NLGN1: variants seen among roughly 807,000 people sequenced by gnomAD.
NLGN1 encodes the protein neuroligin 1.
A neutral mutation model predicts 65.5 loss-of-function variants in NLGN1; 12 were observed. That is an observed-to-expected ratio of 0.18 (90% CI 0.12 to 0.30). The LOEUF is 0.30. Ranked by LOEUF, NLGN1 falls within the 10% of genes least tolerant of loss-of-function variation. NLGN1 has a pLI of 1.00. For missense variants in NLGN1, 750 were observed against 1,007.1 expected (o/e 0.74, Z 3.46); for synonymous variants, 350 against 359.5 (o/e 0.97, Z 0.30).
At chr3:174,090,736 GA>G (rs1744348378) in intron 4 of NLGN1, among the ~76,000 whole-genome samples, 1 of 136,070 alleles carries the variant, frequency 7.3e-6, no homozygotes, top group South Asian at 2.2e-4. Context: ...AGAAAACAAT[GA>G]TTTTTTTTTT....
intron 4 of NLGN1, among the ~76,000 whole-genome samples, chr3:174,146,872 T>C (rs982695035): frequency 2.6e-5 from 4 of 152,128 alleles, no homozygotes; most frequent in Admixed American, 6.5e-5. Context: ...CGGGCTGACA[T>C]GAATCTTAAT....
intron 2 of NLGN1, among the ~76,000 whole-genome samples, chr3:173,536,843 C>G (rs1353086769): frequency 2.0e-5 from 3 of 151,976 alleles, no homozygotes; most frequent in Non-Finnish European, 4.4e-5. Context: ...GCTGACATGT[C>G]CTAACATCTG....
chr3:174,171,678 C>G (rs2152734319), intron 4 of NLGN1, among the ~76,000 whole-genome samples: 1 of 152,190 alleles, frequency 6.6e-6, no homozygotes, highest in African/African-American at 2.4e-5. Context: ...CACTACAAAT[C>G]ATATGATAGT....
chr3:173,541,557 G>A (rs978445022), intron 2 of NLGN1, among the ~76,000 whole-genome samples: 2 of 152,122 alleles, frequency 1.3e-5, no homozygotes, highest in African/African-American at 4.8e-5. Flanking sequence ...AAAGGTATCA[G>A]TTGATGAAAT....
At chr3:173,627,671 G>T (rs1054435975) in intron 3 of NLGN1, among the ~76,000 whole-genome samples, 4 of 151,978 alleles carry the variant, frequency 2.6e-5, no homozygotes, top group African/African-American at 9.7e-5. Context: ...TAATTTTCCA[G>T]CATATTATCC....
At chr3:173,464,155 A>T (rs1017310084) in intron 2 of NLGN1, among the ~76,000 whole-genome samples, 1 of 152,106 alleles carries the variant, frequency 6.6e-6, no homozygotes, top group Non-Finnish European at 1.5e-5. Flanking sequence ...AAATAATAAT[A>T]AATAGCATTT....
At chr3:173,399,001 C>T (rs1717146799) in intron 1 of NLGN1, among the ~76,000 whole-genome samples, 2 of 152,004 alleles carry the variant, frequency 1.3e-5, no homozygotes, top group South Asian at 4.1e-4. Context: ...GCATTTCTAT[C>T]AGCCATTGTA....
intron 4 of NLGN1, among the ~76,000 whole-genome samples, chr3:174,048,603 A>G (rs66492742): frequency 0.16 from 24,188 of 151,936 alleles, 1,999 homozygotes; most frequent in East Asian, 0.18. Flanking sequence ...TCCTGGGGGA[A>G]ATCTGTAGAT....
At chr3:173,890,891 T>C (rs1165628055) in intron 4 of NLGN1, among the ~76,000 whole-genome samples, 2 of 152,208 alleles carry the variant, frequency 1.3e-5, no homozygotes, top group African/African-American at 2.4e-5. Flanking sequence ...GTTGCACCTG[T>C]AATGAGAGTT....
At chr3:174,255,048 T>G (rs1365866597) in intron 4 of NLGN1, among the ~76,000 whole-genome samples, 1 of 152,110 alleles carries the variant, frequency 6.6e-6, no homozygotes, top group Non-Finnish European at 1.5e-5. Context: ...TCCAACTCAG[T>G]GTTGGTACAC....
At chr3:173,545,438 A>G (rs1197529768) in intron 2 of NLGN1, among the ~76,000 whole-genome samples, 5 of 152,172 alleles carry the variant, frequency 3.3e-5, no homozygotes, top group Non-Finnish European at 4.4e-5. Context: ...AAAAAAATGT[A>G]CATTTCAGAA....
rs186001589 is a variant in NLGN1 at position 173,658,465 on chromosome 3, C to T, written c.493+53374C>T. Among the ~76,000 whole-genome samples the T allele has an allele frequency of 1.2e-4, 18 of 152,098 alleles. No individual in the cohort carries two copies. The East Asian group carries it at 3.3e-3, about 28-fold the overall frequency. ...AGCAATAATCCGAATTTGTTCCATT[C>T]TCAGGTAGTCCTACTTCTAATCTTT... On this transcript the variant is annotated intron_variant, in intron 3 of 6. Coordinates refer to ENST00000457714, the Ensembl canonical transcript of NLGN1.
upstream of NLGN1, among the ~76,000 whole-genome samples, chr3:173,397,429 C>T (rs1716796396): frequency 1.3e-5 from 2 of 151,808 alleles, no homozygotes; most frequent in South Asian, 2.1e-4. Flanking sequence ...CTCATTTCTT[C>T]TTCTGTGCCG....
At chr3:173,948,372 A>C (rs1747577288) in intron 4 of NLGN1, among the ~76,000 whole-genome samples, 1 of 152,236 alleles carries the variant, frequency 6.6e-6, no homozygotes, top group Non-Finnish European at 1.5e-5. Flanking sequence ...ACAATGCCAG[A>C]TTATCCAACA....
chr3:173,858,778 G>A (rs1049399716), intron 4 of NLGN1, among the ~76,000 whole-genome samples: 2 of 151,898 alleles, frequency 1.3e-5, no homozygotes, highest in Admixed American at 6.6e-5. Context: ...GACCTAAATC[G>A]CATAGATAGT....
chr3:173,658,147 ATT>A (rs1466821241), intron 3 of NLGN1, among the ~76,000 whole-genome samples: 1 of 152,000 alleles, frequency 6.6e-6, no homozygotes, highest in Admixed American at 6.6e-5. Flanking sequence ...GGCTATACAT[ATT>A]TATACTATAA....
chr3:173,760,207 C>A (rs546413976), intron 3 of NLGN1, among the ~76,000 whole-genome samples: 1 of 152,062 alleles, frequency 6.6e-6, no homozygotes, highest in South Asian at 2.1e-4. Context: ...CATCCTATCT[C>A]AAATTATAGT....
At chr3:173,883,632 C>G (rs909548644) in intron 4 of NLGN1, among the ~76,000 whole-genome samples, 2 of 151,832 alleles carry the variant, frequency 1.3e-5, no homozygotes, top group African/African-American at 4.8e-5. Context: ...ATAAAGTATG[C>G]CTGTATATTT....
intron 2 of NLGN1, among the ~76,000 whole-genome samples, chr3:173,546,988 A>C (rs529990888): frequency 6.6e-6 from 1 of 152,312 alleles, no homozygotes; most frequent in East Asian, 1.9e-4. Context: ...TCTTATTATA[A>C]GTCCCTTGCT....
Sources: gnomAD v4.1 joint callset for allele counts (sites outside exome capture counted in the v4.1 genomes callset) on GRCh38, gnomAD v4.1.1 for gene constraint, MANE v1.5 for transcripts, NCBI Gene and HGNC (gene_info 2026-07-23, HGNC 2026-07-21) for gene names.